PAK1IP1: variants seen among roughly 807,000 people sequenced by gnomAD.
PAK1IP1 encodes p21-activated protein kinase-interacting protein 1.
A neutral mutation model predicts 42.0 loss-of-function variants in PAK1IP1; 24 were observed. The ratio of observed to expected loss-of-function variants is 0.57; its 90% confidence interval spans 0.41 to 0.80. The LOEUF (loss-of-function observed/expected upper bound fraction) is 0.80. Ranked by LOEUF, PAK1IP1 falls within the 30% of genes least tolerant of loss-of-function variation. The pLI, the probability that PAK1IP1 is intolerant of heterozygous loss-of-function variation, is 0.00. For synonymous variants in PAK1IP1, 154 were observed against 156.7 expected (o/e 0.98, Z 0.13); for missense variants, 411 against 467.9 (o/e 0.88, Z 1.12).
chr6:10,704,807 C>T lies in PAK1IP1; in HGVS notation c.703C>T (p.Leu235=). 1 of 1,613,194 alleles carries T rather than the reference C, an allele frequency of 6.2e-7. No homozygotes were observed. The highest frequency in any genetic ancestry group is 8.5e-7 in the Non-Finnish European group (1 of 1,179,130). ...EVIRFFDCDS[L]VCLCEFKAHE... ...TATAAGGTTTTTTGACTGTGATTCA[C>T]TAGTGTGCCTCTGCGAATTTAAAGC... Residue 235 remains leucine (L), a synonymous_variant, in exon 7 of 10, where the codon CTA becomes TTA. Coordinates refer to ENST00000379568, the MANE Select transcript of PAK1IP1 (RefSeq NM_017906.3).
At chr6:10,702,998 GGTT>G in intron 4 of PAK1IP1, among the ~76,000 whole-genome samples, 1 of 152,030 alleles carries the variant, frequency 6.6e-6, no homozygotes, top group South Asian at 2.1e-4. Context: ...GTAGAGACGG[GGTT>G]TCACCGTGTT....
chr6:10,701,375 C>G (rs1488752670), intron 2 of PAK1IP1, among the ~76,000 whole-genome samples: 1 of 152,214 alleles, frequency 6.6e-6, no homozygotes, highest in Non-Finnish European at 1.5e-5. Context: ...CCTCGCCTAG[C>G]CAGTGTTTAA....
chr6:10,707,400 A>T lies in PAK1IP1; in HGVS notation c.741-15A>T. ...GAGGAAAAGATCTTTTATGGTGTTAATATTTCTATCCTAGGGTAAAGGACA... is the reference window on the plus strand; with the variant it reads ...GAGGAAAAGATCTTTTATGGTGTTATTATTTCTATCCTAGGGTAAAGGACA... On this transcript the variant is annotated splice_polypyrimidine_tract_variant and intron_variant, in intron 7 of 9. Coordinates refer to ENST00000379568, the MANE Select transcript of PAK1IP1 (RefSeq NM_017906.3). 1 of 1,404,062 alleles carries T rather than the reference A, an allele frequency of 7.1e-7. No homozygotes were observed. The highest frequency in any genetic ancestry group is 1.0e-6 in the Non-Finnish European group (1 of 988,610). The allele number at this position is 1,404,062 out of a possible 1,614,324, so 87.0% of individuals were successfully genotyped here. A position where few individuals can be genotyped will look rare whatever the true frequency, so the allele number is the denominator to read the frequency against.
chr6:10,707,145 T>C (rs1189256620), intron 7 of PAK1IP1, among the ~76,000 whole-genome samples: 1 of 152,224 alleles, frequency 6.6e-6, no homozygotes, highest in Non-Finnish European at 1.5e-5. Context: ...TTTAGTTCCT[T>C]TGTGATAACC....
At chr6:10,703,940 C>T (rs1049072528) in intron 5 of PAK1IP1, among the ~76,000 whole-genome samples, 3 of 152,136 alleles carry the variant, frequency 2.0e-5, no homozygotes, top group African/African-American at 4.8e-5. Context: ...TTTCTTTTCC[C>T]ATTTTAGACT....
chr6:10,705,752 A>C (rs544268750), intron 7 of PAK1IP1, among the ~76,000 whole-genome samples: 2 of 152,296 alleles, frequency 1.3e-5, no homozygotes, highest in East Asian at 3.9e-4. Context: ...AAGGTGATCT[A>C]ATATACAGAG....
In PAK1IP1 at chr6:10,709,218, C is replaced by T; in HGVS notation, c.965-20C>T. The T allele has an allele frequency of 6.3e-7, 1 of 1,578,228 alleles. No individual in the cohort carries two copies. Among genetic ancestry groups the T allele is most frequent in the Non-Finnish European group, 8.6e-7 (1 of 1,162,380 alleles). On this transcript the variant is annotated intron_variant, in intron 9 of 9. Transcript: ENST00000379568. ...GGGGAAAACAGTCTTTTTTTAAAAG[C>T]ACTCTCTTTTGTGTTTTAGTAAGTA...
At chr6:10,703,530 C>A in intron 5 of PAK1IP1, 73 bp downstream of exon 5, 1 of 1,118,864 alleles carries the variant, frequency 8.9e-7, no homozygotes, top group Non-Finnish European at 1.3e-6. Flanking sequence ...AAATCTGAAA[C>A]TTTTTGAGCA....
chr6:10,709,671 G>T lies in PAK1IP1; in HGVS notation c.*219G>T. The T allele has an allele frequency of 3.2e-6, 1 of 314,034 alleles. No individual in the cohort carries two copies. Among genetic ancestry groups the T allele is most frequent in the East Asian group, 5.4e-5 (1 of 18,552 alleles). The allele number at this position is 314,034 out of a possible 1,614,324, so 19.5% of individuals were successfully genotyped here. ...TGTTTTATGAATTATGTATCATGTT[G>T]ATATATAATATGTTAATGTGTCATG... On this transcript the variant is annotated 3_prime_UTR_variant, in exon 10 of 10. Transcript: ENST00000379568.
Position 10,702,406 on chromosome 6 carries a change from T to A in PAK1IP1, c.285T>A (p.His95Gln). The part of the protein sequence containing the change: ...ITCLKFYGNR[H>Q]LISGAEDGLI... ...GCCTGAAATTCTATGGCAACAGGCA[T>A]TTAATCAGTGGAGCGGAAGATGGAC... Residue 95 changes from histidine to glutamine, a missense_variant, in exon 3 of 10, where the codon CAT becomes CAA. Physicochemically the swap from His to Gln is conservative, Grantham distance 24. Transcript: ENST00000379568. 1 of 1,613,842 alleles carries A rather than the reference T, an allele frequency of 6.2e-7. No individual in the cohort carries two copies. The highest frequency in any genetic ancestry group is 8.5e-7 in the Non-Finnish European group (1 of 1,179,724).
chr6:10,692,921 T>C (rs1355340877), upstream of PAK1IP1, among the ~76,000 whole-genome samples: 1 of 152,224 alleles, frequency 6.6e-6, no homozygotes, highest in South Asian at 2.1e-4. Context: ...GTGTTTACAT[T>C]TGGCGTGGAC....
At chr6:10,694,260 CAAAA>C (rs57435593), upstream of PAK1IP1, among the ~76,000 whole-genome samples, 4 of 62,462 alleles carry the variant, frequency 6.4e-5, no homozygotes, top group East Asian at 4.2e-4. Flanking sequence ...AACTCCGTCT[CAAAA>C]AAAAAAAAAA....
intron 2 of PAK1IP1, among the ~76,000 whole-genome samples, chr6:10,700,628 G>A (rs1191825825): frequency 6.6e-6 from 1 of 152,058 alleles, no homozygotes; most frequent in African/African-American, 2.4e-5. Flanking sequence ...GTCCTAGTTT[G>A]TTACAAAGAA....
Position 10,704,502 on chromosome 6 carries a change from TACA to T in PAK1IP1, c.497-4_497-2del. On this transcript the variant is annotated splice_acceptor_variant and splice_polypyrimidine_tract_variant and intron_variant, in intron 5 of 9. Coordinates refer to ENST00000379568, the MANE Select transcript of PAK1IP1 (RefSeq NM_017906.3). LOFTEE classifies it high-confidence loss of function. ...TAAATAAACTTCGTTTTTTTCCACT[TACA>T]GATGCTCACATAGTAGAATGGTCCC... is the stretch of plus-strand genomic sequence containing the variant. 6.5e-7 allele frequency: 1 copy of T among 1,542,026 alleles called. No homozygotes were observed. The highest frequency in any genetic ancestry group is 1.2e-5 in the South Asian group (1 of 82,332).
intron 2 of PAK1IP1, among the ~76,000 whole-genome samples, chr6:10,699,199 TCAAAAAAAAAA>T (rs1455261810): frequency 1.4e-5 from 1 of 71,232 alleles, no homozygotes; most frequent in African/African-American, 8.6e-5. Context: ...AGACTCTGTC[TCAAAAAAAAAA>T]AAAAAAAAAA....
chr6:10,707,273 C>G, intron 7 of PAK1IP1, 142 bp from the exon 8 acceptor site: 1 of 626,250 alleles, frequency 1.6e-6, no homozygotes, highest in Non-Finnish European at 2.9e-6. Flanking sequence ...CGAAGCATAG[C>G]TATATTTTAA....
At chr6:10,697,226 C>T in intron 1 of PAK1IP1, 98 bp from the exon 2 acceptor site, 5 of 954,304 alleles carry the variant, frequency 5.2e-6, no homozygotes, top group Non-Finnish European at 7.9e-6. Flanking sequence ...TTTTCAGAAA[C>T]AGATAAATGG....
Position 10,707,500 on chromosome 6 carries a change from C to CTT in PAK1IP1, c.827_828dup (p.Lys277LeufsTer15). 6.3e-7 allele frequency: 1 copy of CTT among 1,598,520 alleles called. No homozygotes were observed. The highest frequency in any genetic ancestry group is 8.6e-7 in the Non-Finnish European group (1 of 1,165,682). On this transcript the variant is annotated frameshift_variant, in exon 8 of 10. Coordinates refer to ENST00000379568, the MANE Select transcript of PAK1IP1 (RefSeq NM_017906.3). LOFTEE classifies it high-confidence loss of function. ...TGATGGTTTCATCAAAATGTGGAAG[C>CTT]TTAAGCAGGATAAGGTCAGTGCTTC...
chr6:10,704,995 A>G (rs2127481106), intron 7 of PAK1IP1, 151 bp downstream of exon 7: 1 of 625,992 alleles, frequency 1.6e-6, no homozygotes, highest in Middle Eastern at 4.3e-4. Flanking sequence ...GTAGTCTAAT[A>G]AGGTGGTGGA....
Sources: gnomAD v4.1 joint callset for allele counts (sites outside exome capture counted in the v4.1 genomes callset) on GRCh38, gnomAD v4.1.1 for gene constraint, MANE v1.5 for transcripts, NCBI Gene and HGNC (gene_info 2026-07-23, HGNC 2026-07-21) for gene names.